CSMD3: variants seen among roughly 807,000 people sequenced by gnomAD.
The protein encoded by CSMD3 is CUB and Sushi multiple domains 3.
In CSMD3, 177 loss-of-function variants were observed where a neutral mutation model predicts 435.2. The observed-to-expected ratio is 0.41, with a 90% CI of 0.36 to 0.46. CSMD3 has a LOEUF of 0.46. CSMD3 is among the 20% of genes least tolerant of loss of function. The pLI, the probability that CSMD3 is intolerant of heterozygous loss-of-function variation, is 0.34. For synonymous variants in CSMD3, 1,656 were observed against 1,520.5 expected, an observed-to-expected ratio of 1.09 and a Z score of -2.07; for missense variants, 4,265 against 4,504.6, an observed-to-expected ratio of 0.95 and a Z score of 1.52.
At chr8:113,355,636 G>A (rs995515698) in intron 1 of CSMD3, among the ~76,000 whole-genome samples, 3 of 148,956 alleles carry the variant, frequency 2.0e-5, no homozygotes, top group Non-Finnish European at 3.0e-5. Flanking sequence ...CGAATTTTAG[G>A]GGGACACAAA....
chr8:113,035,016 T>TTA (rs2087280935), intron 5 of CSMD3, among the ~76,000 whole-genome samples: 1 of 151,928 alleles, frequency 6.6e-6, no homozygotes, highest in Non-Finnish European at 1.5e-5. Flanking sequence ...TAGAAAAACT[T>TTA]TTATAGAGTA....
chr8:112,615,282 G>C (rs995689191), intron 22 of CSMD3, among the ~76,000 whole-genome samples: 1 of 152,056 alleles, frequency 6.6e-6, no homozygotes, highest in Admixed American at 6.6e-5. Context: ...TAATTTAGGA[G>C]CTTTGAACCA....
At chr8:112,643,617 C>G (rs1288843792) in intron 20 of CSMD3, 2 of 167,938 alleles carry the variant, frequency 1.2e-5, no homozygotes. Context: ...TCTATAATAT[C>G]AGGGAGCTTA....
intron 5 of CSMD3, among the ~76,000 whole-genome samples, chr8:113,029,177 C>T (rs966009272): frequency 6.6e-6 from 1 of 151,486 alleles, no homozygotes; most frequent in Non-Finnish European, 1.5e-5. Context: ...CATATGGATT[C>T]ACAGCAGAAT....
In CSMD3 at chr8:113,173,573, C is replaced by G. The variant is rs111264655; in HGVS notation, c.709+149G>C. On this transcript the variant is annotated intron_variant, in intron 4 of 70. Coordinates refer to ENST00000297405, the MANE Select transcript of CSMD3 (RefSeq NM_198123.2). ...CTGACCTCAAGTGATCCACTCACCT[C>G]AGCCTCCCAAAGTGCTGGGATTACA... The G allele has an allele frequency of 2.1e-3, 1,443 of 694,778 alleles. 8 individuals carry two copies. Among genetic ancestry groups the G allele is most frequent in the African/African-American group, 0.019 (1,105 of 56,876 alleles). 43.0% of individuals were successfully genotyped at this position (694,778 alleles called of 1,614,324 possible). A position where few individuals can be genotyped will look rare whatever the true frequency, so the allele number is the denominator to read the frequency against.
rs181689796 is a variant in CSMD3, at chr8:112,622,495, C to T, written c.3715+14322G>A. Among the ~76,000 whole-genome samples, 566 of 152,274 alleles carry T rather than the reference C, an allele frequency of 3.7e-3. 3 individuals are homozygous for T. Among genetic ancestry groups the T allele is most frequent in the African/African-American group, 0.012 (485 of 41,566 alleles). The stretch of plus-strand genomic sequence containing the variant: ...AACAATGTACAATGTTCTCCAACAT[C>T]TAAGTCCTGTTTGCCTTTTAATTTG... On this transcript the variant is annotated intron_variant, in intron 22 of 70. Transcript: ENST00000297405.
At chr8:113,033,096 G>A (rs1373416019) in intron 5 of CSMD3, among the ~76,000 whole-genome samples, 1 of 151,644 alleles carries the variant, frequency 6.6e-6, no homozygotes, top group Non-Finnish European at 1.5e-5. Context: ...TGTCCAGGCA[G>A]AAGAGCTCTC....
intron 32 of CSMD3, among the ~76,000 whole-genome samples, chr8:112,410,628 G>GTATATATATATGTATATATGTGTA (rs373147062): frequency 5.7e-5 from 4 of 69,938 alleles, no homozygotes; most frequent in East Asian, 4.4e-4. Context: ...ATATATATGT[G>GTATATATATATGTATATATGTGTA]TATATATATG....
intron 3 of CSMD3, among the ~76,000 whole-genome samples, chr8:113,221,463 G>A (rs537469839): frequency 2.0e-5 from 3 of 150,540 alleles, no homozygotes. Context: ...AGGCTACATG[G>A]TTATTTTTTT....
intron 9 of CSMD3, 25 bp downstream of exon 9, chr8:112,947,765 T>A (rs1475665658): frequency 4.4e-6 from 4 of 909,022 alleles, no homozygotes; most frequent in Non-Finnish European, 5.5e-6. Flanking sequence ...AGATAAATAA[T>A]GAAGTCAATA....
At chr8:112,921,588 A>C (rs774018108) in intron 10 of CSMD3, 39 bp downstream of exon 10, 1 of 1,539,708 alleles carries the variant, frequency 6.5e-7, no homozygotes, top group Non-Finnish European at 9.0e-7. Context: ...AGGTTAAACT[A>C]TTAAAATGTG....
chr8:112,343,983 A>G (rs1825435654), intron 41 of CSMD3, among the ~76,000 whole-genome samples: 1 of 152,122 alleles, frequency 6.6e-6, no homozygotes, highest in Non-Finnish European at 1.5e-5. Flanking sequence ...CCTGGGTTCA[A>G]GCAATTCTGC....
At chr8:113,151,550 C>T (rs1237045476) in intron 4 of CSMD3, among the ~76,000 whole-genome samples, 1 of 151,766 alleles carries the variant, frequency 6.6e-6, no homozygotes, top group Non-Finnish European at 1.5e-5. Context: ...AAACAATAAT[C>T]TAAACAATAT....
At chr8:113,129,718 C>G (rs1326580783) in intron 4 of CSMD3, among the ~76,000 whole-genome samples, 4 of 152,032 alleles carry the variant, frequency 2.6e-5, no homozygotes, top group Non-Finnish European at 5.9e-5. Flanking sequence ...GAGAAGTATA[C>G]ACACACGTGT....
In CSMD3 at chr8:113,051,022, T is replaced by C. The variant is rs73351670; in HGVS notation, c.918-31843A>G. 2.9e-3 allele frequency among the ~76,000 whole-genome samples: 440 copies of C among 152,218 alleles called. 2 individuals carry two copies. Among genetic ancestry groups the C allele is most frequent in the African/African-American group, 9.8e-3 (406 of 41,576 alleles). Reference sequence around the variant, plus strand: ...GAAAGGGTGTGTTGTGAAGGAATTATTTCCAAATTGTCATCTTCCAATTTT... The same window carrying C: ...GAAAGGGTGTGTTGTGAAGGAATTACTTCCAAATTGTCATCTTCCAATTTT... On this transcript the variant is annotated intron_variant, in intron 5 of 70. Transcript: ENST00000297405.
At chr8:112,257,974 C>T (rs1206317830) in intron 61 of CSMD3, among the ~76,000 whole-genome samples, 1 of 152,154 alleles carries the variant, frequency 6.6e-6, no homozygotes, top group Admixed American at 6.5e-5. Context: ...AGAAATAACA[C>T]CACACATCTA....
At position 112,577,749 on chromosome 8, in the gene CSMD3, C is replaced by T. The variant is rs533202336; in HGVS notation, c.3886-4092G>A. ...TAGGCCTGAAATTAGTTATGGTGTACAGACTCTCCTGAATCCAGTAGGTTG... is the reference window on the plus strand; with the variant it reads ...TAGGCCTGAAATTAGTTATGGTGTATAGACTCTCCTGAATCCAGTAGGTTG... On this transcript the variant is annotated intron_variant, in intron 23 of 70. Coordinates refer to ENST00000297405, the MANE Select transcript of CSMD3 (RefSeq NM_198123.2). Among the ~76,000 whole-genome samples, 13 of 152,142 alleles carry T rather than the reference C, an allele frequency of 8.5e-5. No individual in the cohort carries two copies. In the South Asian group the frequency reaches 2.7e-3, roughly 32 times the overall value.
chr8:112,683,906 T>C (rs750454315), intron 15 of CSMD3, among the ~76,000 whole-genome samples: 3 of 151,680 alleles, frequency 2.0e-5, no homozygotes, highest in Non-Finnish European at 4.4e-5. Flanking sequence ...TATGTATACA[T>C]ATTTCTAATT....
intron 5 of CSMD3, among the ~76,000 whole-genome samples, chr8:113,067,576 A>G (rs1195157195): frequency 6.6e-6 from 1 of 152,122 alleles, no homozygotes; most frequent in African/African-American, 2.4e-5. Context: ...CTTTTGTACC[A>G]ACTTAATATG....
Sources: gnomAD v4.1 joint callset for allele counts (sites outside exome capture counted in the v4.1 genomes callset) on GRCh38, gnomAD v4.1.1 for gene constraint, MANE v1.5 for transcripts, NCBI Gene and HGNC (gene_info 2026-07-23, HGNC 2026-07-21) for gene names.